NACC2: variants seen among roughly 807,000 people sequenced by gnomAD.
NACC2 encodes nucleus accumbens-associated protein 2.
In NACC2, 8 loss-of-function variants were observed where a neutral mutation model predicts 25.1. That is an observed-to-expected ratio of 0.32 (90% CI 0.19 to 0.57). The LOEUF (loss-of-function observed/expected upper bound fraction) is 0.57. Ranked by LOEUF, NACC2 falls within the 20% of genes least tolerant of loss-of-function variation. The pLI is 0.89. For synonymous variants in NACC2, 435 were observed against 294.7 expected (o/e 1.48, Z -4.88); for missense variants, 644 against 650.2 (o/e 0.99, Z 0.10).
intron 2 of NACC2, among the ~76,000 whole-genome samples, chr9:136,041,010 G>GGAAGGAAAGGAAA (rs1840619249): frequency 7.0e-6 from 1 of 142,640 alleles, no homozygotes; most frequent in South Asian, 2.2e-4. Flanking sequence ...AAGAAAGGAA[G>GGAAGGAAAGGAAA]GAAGGAAAGG....
intron 1 of NACC2, among the ~76,000 whole-genome samples, chr9:136,054,866 C>T (rs1840901121): frequency 6.6e-6 from 1 of 152,190 alleles, no homozygotes; most frequent in East Asian, 1.9e-4. Context: ...ACCAACGACC[C>T]TTGCTCTCAA....
intron 1 of NACC2, among the ~76,000 whole-genome samples, chr9:136,066,508 G>A (rs1841082655): frequency 6.6e-6 from 1 of 152,176 alleles, no homozygotes; most frequent in Admixed American, 6.5e-5. Context: ...AACAAAGGTT[G>A]GTGGAAATGT....
At chr9:136,058,829 G>T (rs951322719) in intron 1 of NACC2, among the ~76,000 whole-genome samples, 7 of 152,258 alleles carry the variant, frequency 4.6e-5, no homozygotes, top group Non-Finnish European at 1.5e-5. Flanking sequence ...CTGGGGCATG[G>T]GATTGGACAA....
chr9:136,050,555 C>T lies in NACC2; in HGVS notation c.-34G>A. ...GGCAGCGGCGGGGCTGGGCTCTCAG[C>T]GCGGGGCGGCCCTAGCGGGGCTCAT... is the stretch of plus-strand genomic sequence containing the variant. On this transcript the variant is annotated 5_prime_UTR_variant, in exon 2 of 6. Coordinates refer to ENST00000277554, the MANE Select transcript of NACC2 (RefSeq NM_144653.5). 1 of 743,448 alleles carries T rather than the reference C, an allele frequency of 1.3e-6. No individual in the cohort carries two copies. The highest frequency in any genetic ancestry group is 2.5e-5 in the East Asian group (1 of 39,864). 46.1% of individuals were successfully genotyped at this position (743,448 alleles called of 1,614,324 possible). A position where few individuals can be genotyped will look rare whatever the true frequency, so the allele number is the denominator to read the frequency against.
At chr9:136,037,127 G>C (rs1002976591) in intron 2 of NACC2, among the ~76,000 whole-genome samples, 3 of 152,198 alleles carry the variant, frequency 2.0e-5, no homozygotes, top group South Asian at 4.1e-4. Context: ...TGCAGCAAAA[G>C]CTTCCTTGAA....
chr9:136,032,156 C>T (rs1436818506), intron 2 of NACC2, among the ~76,000 whole-genome samples: 3 of 152,168 alleles, frequency 2.0e-5, no homozygotes, highest in African/African-American at 4.8e-5. Context: ...TCTGGAGAGC[C>T]GTCCAAAAGG....
chr9:136,045,421 G>A (rs1033827877), intron 2 of NACC2, among the ~76,000 whole-genome samples: 4 of 77,388 alleles, frequency 5.2e-5, no homozygotes, highest in African/African-American at 1.8e-4. Context: ...GTGGAAGTGT[G>A]CAGCTGGTGT....
At chr9:136,052,430 G>C (rs1840859311) in intron 1 of NACC2, among the ~76,000 whole-genome samples, 1 of 151,530 alleles carries the variant, frequency 6.6e-6, no homozygotes, top group Non-Finnish European at 1.5e-5. Context: ...GGAATGGGCA[G>C]AGGCGCCAGG....
intron 2 of NACC2, among the ~76,000 whole-genome samples, chr9:136,017,621 G>A (rs922434956): frequency 8.6e-5 from 13 of 152,040 alleles, no homozygotes; most frequent in Admixed American, 2.6e-4. Context: ...TCCCCTGAGC[G>A]GGCCCCCGGT....
At chr9:136,029,778 C>T (rs149408609) in intron 2 of NACC2, among the ~76,000 whole-genome samples, 270 of 152,362 alleles carry the variant, frequency 1.8e-3, no homozygotes, top group African/African-American at 6.1e-3. Context: ...CACCCCACTG[C>T]AGCCAGTGTG....
At chr9:136,038,735 A>C (rs1840590265) in intron 2 of NACC2, among the ~76,000 whole-genome samples, 1 of 152,196 alleles carries the variant, frequency 6.6e-6, no homozygotes, top group South Asian at 2.1e-4. Flanking sequence ...GAGGAACATG[A>C]GAATATACCA....
chr9:136,051,953 G>C (rs1326354892), intron 1 of NACC2, among the ~76,000 whole-genome samples: 2 of 152,078 alleles, frequency 1.3e-5, no homozygotes, highest in African/African-American at 4.8e-5. Context: ...GAGCGCCTGG[G>C]CGCTGGGCTC....
chr9:136,050,299 G>A lies in NACC2; in HGVS notation c.223C>T (p.Pro75Ser), dbSNP rs1840801643. The change falls in exon 2 of 6, where the codon CCC (proline) becomes TCC (serine). Residue 75 changes from proline (P) to serine (S), a missense_variant. Physicochemically the swap from Pro to Ser is moderately conservative, Grantham distance 74. Coordinates refer to ENST00000277554, the MANE Select transcript of NACC2 (RefSeq NM_144653.5). ...GACAGGATCTGCTGGAAGCAGGCGGGCGGCACGGAGCCGGGCAGCTCGAAG... is the reference window on the plus strand; with the variant it reads ...GACAGGATCTGCTGGAAGCAGGCGGACGGCACGGAGCCGGGCAGCTCGAAG... Reference protein sequence around the residue: ...SAFELPGSVPPACFQQILSFC... With the variant: ...SAFELPGSVPSACFQQILSFC... The A allele has an allele frequency of 2.7e-6, 2 of 747,030 alleles. No individual in the cohort carries two copies. Among genetic ancestry groups the A allele is most frequent in the Non-Finnish European group, 4.9e-6 (2 of 405,316 alleles). 46.3% of individuals were successfully genotyped at this position (747,030 alleles called of 1,614,324 possible). A position where few individuals can be genotyped will look rare whatever the true frequency, so the allele number is the denominator to read the frequency against.
In NACC2 at chr9:136,013,094, G is replaced by A. The variant is rs1016619804; in HGVS notation, c.1255+105C>T. 2 of 889,124 alleles carry A rather than the reference G, an allele frequency of 2.2e-6. No homozygotes were observed. The highest frequency in any genetic ancestry group is 4.8e-5 in the Admixed American group (2 of 41,902). The allele number at this position is 889,124 out of a possible 1,614,324, so 55.1% of individuals were successfully genotyped here. On this transcript the variant is annotated intron_variant, in intron 5 of 5. Transcript: ENST00000277554. This position sits in a 1 kb window ranked among gnomAD's most constrained non-coding sequence, Gnocchi z 6.6. Reference sequence around the variant, plus strand: ...CCATGCTCGGCCCCCAGGGACGGAAGCTGCAGGTGGCCGGGAGCACCCCCG... The same window carrying A: ...CCATGCTCGGCCCCCAGGGACGGAAACTGCAGGTGGCCGGGAGCACCCCCG...
chr9:136,032,781 C>T (rs999195220), intron 2 of NACC2, among the ~76,000 whole-genome samples: 9 of 152,182 alleles, frequency 5.9e-5, no homozygotes, highest in Admixed American at 2.6e-4. Flanking sequence ...GCCTGTAATC[C>T]GCCACTTTGG....
chr9:136,024,528 TGTGTGGACA>T (rs1336777956), intron 2 of NACC2, among the ~76,000 whole-genome samples: 6 of 121,882 alleles, frequency 4.9e-5, no homozygotes, highest in Non-Finnish European at 6.9e-5. Context: ...TGTGTGTGTG[TGTGTGGACA>T]GTGTGTGTGA....
chr9:136,050,701 C>T (rs996978273), intron 1 of NACC2, 121 bp from the exon 2 acceptor site: 48 of 620,106 alleles, frequency 7.7e-5, no homozygotes, highest in African/African-American at 6.2e-4. Context: ...TCCGCACGCG[C>T]CCTCCCCCGC....
chr9:136,016,259 C>A lies in NACC2; in HGVS notation c.1051+6G>T. The A allele has an allele frequency of 6.2e-7, 1 of 1,612,152 alleles. No individual in the cohort carries two copies. The highest frequency in any genetic ancestry group is 8.5e-7 in the Non-Finnish European group (1 of 1,179,622). On this transcript the variant is annotated splice_donor_region_variant and intron_variant, in intron 3 of 5. Transcript: ENST00000277554. ...CATACAATAGATGGGTGGGAGGCAG[C>A]CTCACCTGCCACCAGCTCCAGCTTC...
At chr9:136,078,968 GCGC>G (rs563021979) in intron 1 of NACC2, among the ~76,000 whole-genome samples, 214 of 152,280 alleles carry the variant, frequency 1.4e-3, no homozygotes, top group African/African-American at 3.5e-3. Flanking sequence ...GCATGATGCC[GCGC>G]CGCCGCCGCC....
Sources: allele counts gnomAD v4.1 joint callset (sites outside exome capture counted in the v4.1 genomes callset), GRCh38; gene constraint gnomAD v4.1.1; non-coding constraint Gnocchi (gnomAD v3.1); transcripts MANE v1.5; gene names NCBI Gene and HGNC (gene_info 2026-07-23, HGNC 2026-07-21).